The following CALCR variants were observed in gnomAD, a reference collection of about 807,000 sequenced individuals.
The protein encoded by CALCR is calcitonin receptor.
CALCR carries 47 observed loss-of-function variants against 59.5 expected under a neutral mutation model. That is an observed-to-expected ratio of 0.79 (90% CI 0.63 to 1.01). CALCR has a LOEUF of 1.01. Ranked by LOEUF, CALCR falls within the 50% of genes least tolerant of loss-of-function variation. The pLI, the probability that CALCR is intolerant of heterozygous loss-of-function variation, is 0.00. For missense variants in CALCR, 566 were observed against 597.1 expected (o/e 0.95, Z 0.54); for synonymous variants, 213 against 211.3 (o/e 1.01, Z -0.07).
At chr7:93,564,330 C>T (rs1200070530) in intron 2 of CALCR, among the ~76,000 whole-genome samples, 3 of 152,076 alleles carry the variant, frequency 2.0e-5, no homozygotes, top group African/African-American at 7.2e-5. Flanking sequence ...ACTGGTCTGG[C>T]TACCTTAGAG....
chr7:93,507,312 C>G (rs1479358926), intron 2 of CALCR, among the ~76,000 whole-genome samples: 2 of 151,840 alleles, frequency 1.3e-5, no homozygotes, highest in Non-Finnish European at 2.9e-5. Flanking sequence ...GTCAGAAGGA[C>G]AAGTCAAGTG....
intron 3 of CALCR, chr7:93,484,065 C>T (rs373659149): frequency 3.2e-4 from 153 of 479,888 alleles, no homozygotes; most frequent in South Asian, 1.9e-3. Flanking sequence ...TTTTTTCAGT[C>T]GACAAATACT....
chr7:93,548,082 C>T (rs906706486), intron 2 of CALCR, among the ~76,000 whole-genome samples: 13 of 152,236 alleles, frequency 8.5e-5, no homozygotes, highest in African/African-American at 2.6e-4. Flanking sequence ...TGTCAATTAT[C>T]GAGTTCTTAA....
intron 8 of CALCR, among the ~76,000 whole-genome samples, chr7:93,451,882 A>G (rs186778637): frequency 2.6e-4 from 40 of 152,166 alleles, no homozygotes; most frequent in Admixed American, 9.2e-4. Context: ...ACATAAATGC[A>G]TCTGGAGGCC....
chr7:93,537,250 T>A (rs1158513350), intron 2 of CALCR, among the ~76,000 whole-genome samples: 1 of 151,844 alleles, frequency 6.6e-6, no homozygotes, highest in Non-Finnish European at 1.5e-5. Flanking sequence ...AGTTTTAGGT[T>A]ATAGTGAAAT....
At chr7:93,539,282 G>C (rs1361096328) in intron 2 of CALCR, among the ~76,000 whole-genome samples, 1 of 151,874 alleles carries the variant, frequency 6.6e-6, no homozygotes, top group Non-Finnish European at 1.5e-5. Flanking sequence ...TATATCACTT[G>C]TTTGGCAAAT....
intron 11 of CALCR, among the ~76,000 whole-genome samples, chr7:93,437,542 A>G (rs1184097265): frequency 1.3e-5 from 2 of 152,208 alleles, no homozygotes; most frequent in African/African-American, 4.8e-5. Flanking sequence ...CATGAGGCCA[A>G]GTCTACTGAA....
At chr7:93,444,889 G>A (rs1019200526) in intron 8 of CALCR, among the ~76,000 whole-genome samples, 1 of 152,026 alleles carries the variant, frequency 6.6e-6, no homozygotes, top group African/African-American at 2.4e-5. Flanking sequence ...AAGCAAGATA[G>A]CCATGAAGTG....
At chr7:93,474,944 T>A (rs1800635721) in intron 5 of CALCR, among the ~76,000 whole-genome samples, 1 of 151,766 alleles carries the variant, frequency 6.6e-6, no homozygotes, top group African/African-American at 2.4e-5. Flanking sequence ...TGCTATTGTT[T>A]AAAAGGCTAA....
chr7:93,571,669 T>C (rs1790008436), intron 2 of CALCR, among the ~76,000 whole-genome samples: 1 of 152,288 alleles, frequency 6.6e-6, no homozygotes, highest in African/African-American at 2.4e-5. Flanking sequence ...AAATATATAA[T>C]GTAATCCATC....
At chr7:93,548,239 TC>T (rs1285644900) in intron 2 of CALCR, among the ~76,000 whole-genome samples, 4 of 152,160 alleles carry the variant, frequency 2.6e-5, no homozygotes, top group African/African-American at 9.7e-5. Context: ...CTCTCATTCA[TC>T]TTGGATAGAG....
chr7:93,477,948 C>G (rs1800702224), intron 4 of CALCR, among the ~76,000 whole-genome samples: 1 of 81,762 alleles, frequency 1.2e-5, no homozygotes, highest in South Asian at 3.9e-4. Context: ...CCAAAGACTG[C>G]AAGACCCTCT....
rs779551153 is a variant in CALCR at position 93,479,395 on chromosome 7, C to A, written c.164G>T (p.Cys55Phe). ...RKKMMDAQYK[C>F]YDRMQQLPAY... ...GGGTAACTGCTGCATTCGGTCATAG[C>A]ATTTGTACTGTGCATCCATCATCTT... Residue 55 changes from cysteine (C) to phenylalanine (F), a missense_variant, in exon 4 of 14, where the codon TGC becomes TTC. Coordinates refer to ENST00000426151, the MANE Select transcript of CALCR (RefSeq NM_001742.4). 1 of 1,612,432 alleles carries A rather than the reference C, an allele frequency of 6.2e-7. No individual in the cohort carries two copies. Among genetic ancestry groups the A allele is most frequent in the Admixed American group, 1.7e-5 (1 of 59,856 alleles).
chr7:93,447,318 T>A (rs971518619), intron 8 of CALCR, among the ~76,000 whole-genome samples: 1 of 152,050 alleles, frequency 6.6e-6, no homozygotes, highest in African/African-American at 2.4e-5. Flanking sequence ...ATTTATTTCC[T>A]ATTATATTTT....
rs140377833 is a variant in CALCR, at chr7:93,475,076, A to G, written c.316+2482T>C. On this transcript the variant is annotated intron_variant, in intron 5 of 13. Transcript: ENST00000426151. The stretch of plus-strand genomic sequence containing the variant: ...ACTCAATCTGCTAAGAGCTAGTAAA[A>G]AAATCCTTTCAACTTGGCAATTTTT... Among the ~76,000 whole-genome samples the G allele has an allele frequency of 2.6e-3, 394 of 151,842 alleles. 3 individuals carry two copies. The highest frequency in any genetic ancestry group is 8.5e-3 in the African/African-American group (351 of 41,528).
chr7:93,528,939 G>T (rs1290874341), intron 2 of CALCR, among the ~76,000 whole-genome samples: 2 of 152,118 alleles, frequency 1.3e-5, no homozygotes, highest in African/African-American at 4.8e-5. Flanking sequence ...AGAAATCTTG[G>T]TCTTCAATTT....
intron 8 of CALCR, among the ~76,000 whole-genome samples, chr7:93,449,573 A>C (rs1800070360): frequency 1.3e-5 from 2 of 152,054 alleles, no homozygotes; most frequent in Admixed American, 6.6e-5. Flanking sequence ...GTAGTTGCTT[A>C]TTAAATCAAA....
intron 8 of CALCR, among the ~76,000 whole-genome samples, chr7:93,456,669 T>C (rs1378141134): frequency 6.6e-6 from 1 of 152,146 alleles, no homozygotes; most frequent in Non-Finnish European, 1.5e-5. Context: ...ATCTTTAAAA[T>C]GTTTTATTGT....
chr7:93,561,744 G>A (rs1004651456), intron 2 of CALCR, among the ~76,000 whole-genome samples: 2 of 151,988 alleles, frequency 1.3e-5, no homozygotes, highest in Non-Finnish European at 2.9e-5. Context: ...AAACCCTGTC[G>A]TGGATCAGCA....
Sources: allele counts gnomAD v4.1 joint callset (sites outside exome capture counted in the v4.1 genomes callset), GRCh38; gene constraint gnomAD v4.1.1; transcripts MANE v1.5; gene names NCBI Gene and HGNC (gene_info 2026-07-23, HGNC 2026-07-21).